The following GNB5 variants were observed in gnomAD, a reference collection of about 807,000 sequenced individuals.
GNB5 encodes G protein subunit beta 5.
A neutral mutation model predicts 55.3 loss-of-function variants in GNB5; 37 were observed. The ratio of observed to expected loss-of-function variants is 0.67; its 90% CI spans 0.51 to 0.88. The LOEUF (loss-of-function observed/expected upper bound fraction) is 0.88. GNB5 is among the 40% of genes least tolerant of loss of function. The pLI is 0.00. For missense variants in GNB5, 476 were observed against 515.3 expected, an observed-to-expected ratio of 0.92 and a Z score of 0.74; for synonymous variants, 219 against 198.5, an observed-to-expected ratio of 1.10 and a Z score of -0.87.
chr15:52,119,174 G>A lies in GNB5; in HGVS notation c.*3583C>T, dbSNP rs1350166689. 7.1e-6 allele frequency: 1 copy of A among 140,520 alleles called. No homozygotes were observed. The highest frequency in any genetic ancestry group is 1.5e-5 in the Non-Finnish European group (1 of 65,380). The allele number at this position is 140,520 out of a possible 1,614,324, so 8.7% of individuals were successfully genotyped here. On this transcript the variant is annotated 3_prime_UTR_variant, in exon 13 of 13. Transcript: ENST00000261837. ...GGAACAGGGAGACAGAGGAAGAGGA[G>A]ATGAGGAATGGGGGAAGATTGAGAA...
chr15:52,177,000 C>G (rs2034661938), intron 3 of GNB5, among the ~76,000 whole-genome samples: 1 of 151,942 alleles, frequency 6.6e-6, no homozygotes, highest in South Asian at 2.1e-4. Context: ...CAAACACACC[C>G]CCTCCTGGGG....
chr15:52,157,562 A>C (rs1235351988), intron 3 of GNB5, among the ~76,000 whole-genome samples: 1 of 152,132 alleles, frequency 6.6e-6, no homozygotes, highest in South Asian at 2.1e-4. Context: ...CTTTTATATA[A>C]GGCTCTATCG....
chr15:52,133,691 G>C (rs1048391529), intron 8 of GNB5, among the ~76,000 whole-genome samples: 2 of 152,182 alleles, frequency 1.3e-5, no homozygotes. Flanking sequence ...GAAGGCACTC[G>C]GCTTCCTCTT....
chr15:52,155,916 T>C (rs1187934772), intron 3 of GNB5, among the ~76,000 whole-genome samples: 1 of 152,244 alleles, frequency 6.6e-6, no homozygotes, highest in Non-Finnish European at 1.5e-5. Context: ...GGAGGTACTC[T>C]GAGGCTATGT....
intron 7 of GNB5, 93 bp from the exon 8 acceptor site, chr15:52,135,849 C>G (rs950918565): frequency 1.3e-5 from 10 of 794,582 alleles, no homozygotes; most frequent in Non-Finnish European, 9.7e-6. Context: ...CAGGGAAAAG[C>G]AGAACACACA....
intron 10 of GNB5, among the ~76,000 whole-genome samples, chr15:52,127,533 T>C (rs1273779535): frequency 6.6e-6 from 1 of 152,154 alleles, no homozygotes; most frequent in Non-Finnish European, 1.5e-5. Context: ...TATTTTGTTA[T>C]GTATCTTTGA....
At chr15:52,183,569 A>C (rs2034804067) in intron 2 of GNB5, among the ~76,000 whole-genome samples, 1 of 152,222 alleles carries the variant, frequency 6.6e-6, no homozygotes, top group African/African-American at 2.4e-5. Flanking sequence ...TAATGTAATC[A>C]TGGTCAGGGG....
intron 1 of GNB5, among the ~76,000 whole-genome samples, chr15:52,187,701 C>A (rs1430666690): frequency 2.6e-5 from 4 of 152,154 alleles, no homozygotes; most frequent in African/African-American, 7.2e-5. Context: ...GTAATCCCAG[C>A]ACTTTGGGAG....
In GNB5 at chr15:52,125,764, T is replaced by C. The variant is rs2291414; in HGVS notation, c.1009+184A>G. The C allele has an allele frequency of 2.8e-4, 157 of 569,024 alleles. 1 individual carries two copies. The East Asian group carries it at 4.3e-3, about 15-fold the overall frequency. The allele number at this position is 569,024 out of a possible 1,614,324, so 35.2% of individuals were successfully genotyped here. ...CATTTCCCCCTGGAGTGAAGTTGCC[T>C]GGGGCAGGACAAAGTGGGAGGTCAG... On this transcript the variant is annotated intron_variant, in intron 11 of 12. Transcript: ENST00000261837.
In GNB5 at chr15:52,117,089, A is replaced by AATATATATATATATATAT. The variant is rs772910761; in HGVS notation, c.*5667_*5668insATATATATATATATATAT. 1 of 85,474 alleles carries AATATATATATATATATAT rather than the reference A, an allele frequency of 1.2e-5. No individual in the cohort carries two copies. The highest frequency in any genetic ancestry group is 2.0e-5 in the Non-Finnish European group (1 of 49,696). The allele number at this position is 85,474 out of a possible 1,614,324, so 5.3% of individuals were successfully genotyped here. A position where few individuals can be genotyped will look rare whatever the true frequency, so the allele number is the denominator to read the frequency against. ...CAGGCACCTGCCACCACGCCCAGCT[A>AATATATATATATATATAT]ATATATATATATATTTTTTTTTAGT... On this transcript the variant is annotated 3_prime_UTR_variant, in exon 13 of 13. Coordinates refer to ENST00000261837, the MANE Select transcript of GNB5 (RefSeq NM_016194.4).
At chr15:52,150,047 G>T in intron 4 of GNB5, 122 bp from the exon 5 acceptor site, 1 of 730,862 alleles carries the variant, frequency 1.4e-6, no homozygotes, top group Non-Finnish European at 2.4e-6. Flanking sequence ...ATGAGGATCT[G>T]GATAATCAAG....
intron 3 of GNB5, among the ~76,000 whole-genome samples, chr15:52,158,510 C>T (rs2141219723): frequency 6.6e-6 from 1 of 152,246 alleles, no homozygotes; most frequent in Middle Eastern, 3.4e-3. Flanking sequence ...TTCTGTACCT[C>T]TCCCTATCCC....
intron 3 of GNB5, among the ~76,000 whole-genome samples, chr15:52,167,118 C>G (rs946322995): frequency 1.3e-5 from 2 of 152,134 alleles, no homozygotes; most frequent in Non-Finnish European, 2.9e-5. Flanking sequence ...CCTCCCAAGA[C>G]TGAACCAGGA....
At chr15:52,130,502 CA>C (rs1389120223) in intron 9 of GNB5, among the ~76,000 whole-genome samples, 1 of 152,246 alleles carries the variant, frequency 6.6e-6, no homozygotes, top group Non-Finnish European at 1.5e-5. Context: ...TGTTCCCTAT[CA>C]ATCAAGAATT....
intron 11 of GNB5, among the ~76,000 whole-genome samples, chr15:52,124,982 A>G (rs2033383904): frequency 6.6e-6 from 1 of 152,232 alleles, no homozygotes; most frequent in African/African-American, 2.4e-5. Flanking sequence ...AACAACTTGT[A>G]AAACTTGTTT....
chr15:52,132,741 G>A (rs111701213), intron 9 of GNB5, among the ~76,000 whole-genome samples: 19 of 150,928 alleles, frequency 1.3e-4, no homozygotes, highest in Admixed American at 5.3e-4. Flanking sequence ...CCAACAGAGC[G>A]ATCTTTTAAA....
At chr15:52,133,537 A>G (rs1050568804) in intron 8 of GNB5, 68 bp from the exon 9 acceptor site, 33 of 975,616 alleles carry the variant, frequency 3.4e-5, no homozygotes, top group Middle Eastern at 2.1e-4. Context: ...CACGAGTCCC[A>G]GTTATATAAC....
intron 6 of GNB5, 104 bp downstream of exon 6, chr15:52,147,347 GCTAAACAA>G (rs1287853378): frequency 6.7e-6 from 5 of 751,186 alleles, no homozygotes; most frequent in Non-Finnish European, 1.2e-5. Flanking sequence ...TTAGCATACT[GCTAAACAA>G]TTAAACAACA....
chr15:52,140,817 C>T (rs942996947), intron 7 of GNB5, among the ~76,000 whole-genome samples: 5 of 152,184 alleles, frequency 3.3e-5, no homozygotes, highest in African/African-American at 7.2e-5. Context: ...GCTTTACACA[C>T]GTTAGCACGC....
Sources: allele counts gnomAD v4.1 joint callset (sites outside exome capture counted in the v4.1 genomes callset), GRCh38; gene constraint gnomAD v4.1.1; transcripts MANE v1.5; gene names NCBI Gene and HGNC (gene_info 2026-07-23, HGNC 2026-07-21).